Variants in TRIT1 observed in about 807,000 individuals in gnomAD.
TRIT1 encodes tRNA isopentenyltransferase 1.
Under a neutral mutation model 51.2 loss-of-function variants are expected in TRIT1, and 43 were observed. That is an observed-to-expected ratio of 0.84 (90% CI 0.66 to 1.08). The LOEUF (loss-of-function observed/expected upper bound fraction) is 1.08. Among genes scored for constraint, TRIT1 ranks in the 50% least tolerant of loss-of-function variants. The pLI, the probability that TRIT1 is intolerant of heterozygous loss-of-function variation, is 0.00. For missense variants in TRIT1, 528 were observed against 578.4 expected (o/e 0.91, Z 0.89); for synonymous variants, 184 against 203.9 (o/e 0.90, Z 0.83).
At chr1:39,852,708 G>A in intron 4 of TRIT1, 23 bp downstream of exon 4, 1 of 1,608,710 alleles carries the variant, frequency 6.2e-7, no homozygotes, top group Non-Finnish European at 8.5e-7. Flanking sequence ...GGAATTTGGG[G>A]TCAGCGCGCC....
At chr1:39,861,355 C>T (rs1313312594) in intron 1 of TRIT1, among the ~76,000 whole-genome samples, 2 of 152,020 alleles carry the variant, frequency 1.3e-5, no homozygotes, top group Non-Finnish European at 2.9e-5. Flanking sequence ...ATCTCTAGAA[C>T]TTAAAAACAA....
In TRIT1 at chr1:39,844,173, C is replaced by T. The variant is rs1421150782; in HGVS notation, c.1162G>A (p.Ala388Thr). 6.2e-7 allele frequency: 1 copy of T among 1,614,094 alleles called. No homozygotes were observed. The highest frequency in any genetic ancestry group is 8.5e-7 in the Non-Finnish European group (1 of 1,180,026). ...AGGTGATAACTTCTCTTGTTCTCAG[C>T]TTCATTGTATGGCATCTTTATTGGA... ...ATPIKMPYNE[A>T]ENKRSYHLCD... Residue 388 changes from alanine (A) to threonine (T), a missense_variant, in exon 10 of 11, where the codon GCT (alanine) becomes ACT (threonine). Physicochemically the swap from Ala to Thr is moderately conservative, Grantham distance 58. Transcript: ENST00000316891.
chr1:39,870,729 A>G (rs1643852849), intron 1 of TRIT1, among the ~76,000 whole-genome samples: 1 of 152,202 alleles, frequency 6.6e-6, no homozygotes, highest in African/African-American at 2.4e-5. Flanking sequence ...GTCATTTTAG[A>G]AAACAGTTTG....
At chr1:39,841,970 A>T in intron 10 of TRIT1, 57 bp from the exon 11 acceptor site, 1 of 1,548,970 alleles carries the variant, frequency 6.5e-7, no homozygotes, top group South Asian at 1.2e-5. Context: ...ATTTTCTAGA[A>T]TTAATCCTAG....
intron 3 of TRIT1, 85 bp downstream of exon 3, chr1:39,853,885 A>G (rs1206776994): frequency 2.2e-6 from 2 of 914,978 alleles, no homozygotes; most frequent in Admixed American, 2.3e-5. Context: ...AGAAATAGGC[A>G]AGAGTCAACC....
intron 1 of TRIT1, among the ~76,000 whole-genome samples, chr1:39,868,403 G>A (rs763651870): frequency 2.0e-5 from 3 of 152,100 alleles, no homozygotes; most frequent in Admixed American, 1.3e-4. Context: ...TGTACTTTGG[G>A]AGGCTGAGGC....
intron 1 of TRIT1, among the ~76,000 whole-genome samples, chr1:39,870,271 C>T (rs550766578): frequency 9.9e-5 from 15 of 152,054 alleles, no homozygotes; most frequent in East Asian, 3.9e-4. Flanking sequence ...GGATTAAGGG[C>T]GGTGCAAGAT....
intron 4 of TRIT1, 76 bp downstream of exon 4, chr1:39,852,655 T>A (rs1453562210): frequency 1.3e-6 from 2 of 1,534,974 alleles, no homozygotes; most frequent in Admixed American, 4.0e-5. Flanking sequence ...ATCTCTCTCA[T>A]CATCTGGGCA....
At chr1:39,880,801 A>G (rs1375043325) in intron 1 of TRIT1, among the ~76,000 whole-genome samples, 1 of 145,368 alleles carries the variant, frequency 6.9e-6, no homozygotes, top group East Asian at 2.0e-4. Flanking sequence ...TCCGTTTCAA[A>G]AAAAAAAAGA....
intron 1 of TRIT1, among the ~76,000 whole-genome samples, chr1:39,882,907 G>T (rs1302816059): frequency 1.3e-5 from 2 of 152,116 alleles, no homozygotes; most frequent in African/African-American, 4.8e-5. Flanking sequence ...TCCTGATCTC[G>T]CTGGGTTAGG....
At chr1:39,876,877 G>A (rs573210771) in intron 1 of TRIT1, among the ~76,000 whole-genome samples, 1 of 148,112 alleles carries the variant, frequency 6.8e-6, no homozygotes, top group Admixed American at 6.8e-5. Flanking sequence ...GCAGTGGGCC[G>A]AGATGGAGTC....
At chr1:39,872,888 G>T (rs188139058) in intron 1 of TRIT1, among the ~76,000 whole-genome samples, 5 of 151,190 alleles carry the variant, frequency 3.3e-5, no homozygotes, top group East Asian at 1.9e-4. Context: ...AAGAAAGGAA[G>T]AAAACAAAAA....
At chr1:39,876,638 T>C (rs772201079) in intron 1 of TRIT1, among the ~76,000 whole-genome samples, 3 of 152,058 alleles carry the variant, frequency 2.0e-5, no homozygotes, top group Non-Finnish European at 4.4e-5. Flanking sequence ...TCTAAAAGAC[T>C]GCCTTTGGCT....
chr1:39,853,023 G>A, intron 3 of TRIT1, 147 bp from the exon 4 acceptor site: 1 of 897,160 alleles, frequency 1.1e-6, no homozygotes. Flanking sequence ...ATTCCAATAT[G>A]CTGTGGTAAG....
Position 39,848,073 on chromosome 1 carries a change from C to T in TRIT1, c.728G>A (p.Arg243Lys). 1.2e-6 allele frequency: 2 copies of T among 1,614,180 alleles called. No homozygotes were observed. Among genetic ancestry groups the T allele is most frequent in the Non-Finnish European group, 1.7e-6 (2 of 1,180,040 alleles). ...CCCAGCAGCAAGCATGTCATCCACC[C>T]TCTTATCCAAGCGCTCATCTAGAAC... is the stretch of plus-strand genomic sequence containing the variant. ...QAVLDERLDK[R>K]VDDMLAAGLL... The change falls in exon 6 of 11, where the codon AGG becomes AAG. Residue 243 changes from arginine to lysine, a missense_variant. By Grantham distance (26) the Arg-to-Lys change is conservative. Coordinates refer to ENST00000316891, the MANE Select transcript of TRIT1 (RefSeq NM_017646.6).
chr1:39,858,726 C>G (rs1013365100), intron 1 of TRIT1, among the ~76,000 whole-genome samples: 2 of 152,036 alleles, frequency 1.3e-5, no homozygotes, highest in Non-Finnish European at 2.9e-5. Context: ...AACAGTAAAA[C>G]AGCATATAAA....
intron 1 of TRIT1, among the ~76,000 whole-genome samples, chr1:39,869,742 T>G (rs1398118515): frequency 2.1e-5 from 3 of 145,192 alleles, no homozygotes; most frequent in Non-Finnish European, 3.0e-5. Flanking sequence ...CTGAGGAGTG[T>G]CTCTGCCCGA....
At position 39,857,329 on chromosome 1, in the gene TRIT1, G is replaced by GGATCCACAAAGCT. The variant is rs1553141991; in HGVS notation, c.250_262dup (p.Pro88GlnfsTer18). Reference sequence around the variant, plus strand: ...CACCACTGTGTAATTGGTCACAAGAGGATCCACAAAGCTGATCATGTGGTG... The same window carrying GGATCCACAAAGCT: ...CACCACTGTGTAATTGGTCACAAGAGGATCCACAAAGCTGATCCACAAAGCTGATCATGTGGTG... On this transcript the variant is annotated frameshift_variant, in exon 2 of 11. Coordinates refer to ENST00000316891, the MANE Select transcript of TRIT1 (RefSeq NM_017646.6). LOFTEE classifies it high-confidence loss of function. The GGATCCACAAAGCT allele has an allele frequency of 3.1e-6, 5 of 1,613,908 alleles. No homozygotes were observed. Among genetic ancestry groups the GGATCCACAAAGCT allele is most frequent in the Non-Finnish European group, 4.2e-6 (5 of 1,179,982 alleles).
chr1:39,876,563 TA>T (rs1644063259), intron 1 of TRIT1, among the ~76,000 whole-genome samples: 1 of 152,088 alleles, frequency 6.6e-6, no homozygotes, highest in African/African-American at 2.4e-5. Flanking sequence ...TATCTATATA[TA>T]TATATGAATG....
Sources: allele counts gnomAD v4.1 joint callset (sites outside exome capture counted in the v4.1 genomes callset), GRCh38; gene constraint gnomAD v4.1.1; transcripts MANE v1.5; gene names NCBI Gene and HGNC (gene_info 2026-07-23, HGNC 2026-07-21).